CDH18: variants seen among roughly 807,000 people sequenced by gnomAD.
The protein encoded by CDH18 is cadherin-18.
In CDH18, 31 loss-of-function variants were observed where a neutral mutation model predicts 67.9. The observed-to-expected ratio is 0.46, with a 90% CI of 0.34 to 0.62. CDH18 has a LOEUF of 0.62. Among genes scored for constraint, CDH18 ranks in the 20% least tolerant of loss-of-function variants. The pLI, the probability that CDH18 is intolerant of heterozygous loss-of-function variation, is 0.01. For synonymous variants in CDH18, 362 were observed against 347.2 expected, an observed-to-expected ratio of 1.04 and a Z score of -0.48; for missense variants, 890 against 975.5, an observed-to-expected ratio of 0.91 and a Z score of 1.17.
At chr5:20,259,019 C>G (rs1744450652) in intron 1 of CDH18, among the ~76,000 whole-genome samples, 1 of 152,116 alleles carries the variant, frequency 6.6e-6, no homozygotes, top group Non-Finnish European at 1.5e-5. Flanking sequence ...CAACAGAAAA[C>G]AAATACAGTG....
intron 10 of CDH18, among the ~76,000 whole-genome samples, chr5:19,507,169 G>T (rs1579882987): frequency 6.6e-6 from 1 of 152,074 alleles, no homozygotes; most frequent in African/African-American, 2.4e-5. Context: ...TATCATCATT[G>T]GCCATCAGAG....
At chr5:20,080,927 T>A (rs982049440) in intron 2 of CDH18, among the ~76,000 whole-genome samples, 1 of 152,150 alleles carries the variant, frequency 6.6e-6, no homozygotes, top group Non-Finnish European at 1.5e-5. Flanking sequence ...GCAGTGTTCA[T>A]TCCCTCTAAT....
At chr5:20,358,152 G>A (rs1234635833) in intron 1 of CDH18, among the ~76,000 whole-genome samples, 1 of 152,142 alleles carries the variant, frequency 6.6e-6, no homozygotes, top group Admixed American at 6.5e-5. Context: ...CTACTAGTGG[G>A]CAGAGAGAAA....
intron 1 of CDH18, among the ~76,000 whole-genome samples, chr5:20,523,545 T>C (rs529425154): frequency 1.1e-4 from 16 of 152,240 alleles, no homozygotes. Context: ...GCAAGGATCA[T>C]AACTTATTTT....
chr5:20,116,422 C>G (rs796967544), intron 2 of CDH18, among the ~76,000 whole-genome samples: 1 of 151,580 alleles, frequency 6.6e-6, no homozygotes, highest in East Asian at 1.9e-4. Flanking sequence ...GAGGCTGAGA[C>G]GGAGAATCAC....
At chr5:20,253,371 A>G (rs1212748883) in intron 2 of CDH18, among the ~76,000 whole-genome samples, 1 of 152,142 alleles carries the variant, frequency 6.6e-6, no homozygotes, top group East Asian at 1.9e-4. Flanking sequence ...ATCTCTAAAC[A>G]TGTCCACTAG....
chr5:19,952,366 A>C (rs1203916936), intron 2 of CDH18, among the ~76,000 whole-genome samples: 3 of 152,084 alleles, frequency 2.0e-5, no homozygotes, highest in Non-Finnish European at 1.5e-5. Flanking sequence ...TTCCAATTTC[A>C]AATTGCAACA....
chr5:19,613,516 T>G (rs892264475), intron 5 of CDH18, among the ~76,000 whole-genome samples: 4 of 152,154 alleles, frequency 2.6e-5, no homozygotes, highest in Non-Finnish European at 4.4e-5. Flanking sequence ...GTTTATTCTA[T>G]AAATCATCTG....
chr5:19,827,970 T>C (rs1780586642), intron 3 of CDH18, among the ~76,000 whole-genome samples: 1 of 152,068 alleles, frequency 6.6e-6, no homozygotes, highest in African/African-American at 2.4e-5. Context: ...ATTGATAGAC[T>C]TGTAGCTAGA....
chr5:19,906,513 G>T (rs1235227252), intron 2 of CDH18, among the ~76,000 whole-genome samples: 1 of 151,822 alleles, frequency 6.6e-6, no homozygotes, highest in Non-Finnish European at 1.5e-5. Flanking sequence ...TACTAGTGAA[G>T]ATGTTCTACA....
intron 5 of CDH18, among the ~76,000 whole-genome samples, chr5:19,681,222 G>A (rs997241277): frequency 4.0e-5 from 6 of 151,810 alleles, no homozygotes; most frequent in African/African-American, 1.2e-4. Flanking sequence ...GGGTACACAC[G>A]AACACATGAC....
intron 2 of CDH18, among the ~76,000 whole-genome samples, chr5:20,057,079 A>G (rs564940402): frequency 6.6e-6 from 1 of 152,292 alleles, no homozygotes; most frequent in African/African-American, 2.4e-5. Flanking sequence ...GTAAATATTA[A>G]AAAGTCAATC....
At chr5:20,192,087 AT>A (rs776235617) in intron 2 of CDH18, among the ~76,000 whole-genome samples, 7 of 151,342 alleles carry the variant, frequency 4.6e-5, no homozygotes, top group Non-Finnish European at 7.4e-5. Flanking sequence ...TGTGGTTTTG[AT>A]TTGCATTTCT....
intron 5 of CDH18, among the ~76,000 whole-genome samples, chr5:19,675,977 A>G (rs762176174): frequency 6.6e-6 from 1 of 151,862 alleles, no homozygotes; most frequent in Non-Finnish European, 1.5e-5. Flanking sequence ...TCCTGCAACA[A>G]TCATTAAAAA....
chr5:19,992,668 C>T (rs774874316), upstream of CDH18, among the ~76,000 whole-genome samples: 1 of 151,966 alleles, frequency 6.6e-6, no homozygotes, highest in Non-Finnish European at 1.5e-5. Context: ...AACAGTGGGA[C>T]CACCTGGGTT....
chr5:20,051,306 C>CTACA (rs1394240168), intron 2 of CDH18, among the ~76,000 whole-genome samples: 1 of 151,942 alleles, frequency 6.6e-6, no homozygotes, highest in East Asian at 1.9e-4. Context: ...GTTAAACAAA[C>CTACA]TACATGTATG....
At chr5:20,296,402 C>T (rs1192060205) in intron 1 of CDH18, among the ~76,000 whole-genome samples, 3 of 151,476 alleles carry the variant, frequency 2.0e-5, no homozygotes, top group East Asian at 2.0e-4. Context: ...GCTGGGACTA[C>T]AGGCGCCCGC....
intron 1 of CDH18, among the ~76,000 whole-genome samples, chr5:20,570,874 C>T (rs1758776073): frequency 6.6e-6 from 1 of 152,130 alleles, no homozygotes; most frequent in Non-Finnish European, 1.5e-5. Context: ...ATCATATGCA[C>T]ACATAGTTTC....
chr5:20,215,197 G>A (rs912328428), intron 2 of CDH18, among the ~76,000 whole-genome samples: 1 of 151,808 alleles, frequency 6.6e-6, no homozygotes, highest in African/African-American at 2.4e-5. Context: ...TCAGACTAGA[G>A]CCAATGTAAG....
Sources: gnomAD v4.1 joint callset for allele counts (sites outside exome capture counted in the v4.1 genomes callset) on GRCh38, gnomAD v4.1.1 for gene constraint, MANE v1.5 for transcripts, NCBI Gene and HGNC (gene_info 2026-07-23, HGNC 2026-07-21) for gene names.